Variants in TRPC5 observed in about 807,000 individuals in gnomAD.
The protein encoded by TRPC5 is short transient receptor potential channel 5.
TRPC5 carries 9 observed loss-of-function variants against 56.5 expected under a neutral mutation model. The ratio of observed to expected loss-of-function variants is 0.16; its 90% CI spans 0.10 to 0.28. The LOEUF is 0.28. Ranked by LOEUF, TRPC5 falls within the 10% of genes least tolerant of loss-of-function variation. The probability of loss-of-function intolerance (pLI) is 1.00; values close to 1 mark genes in which losing one functional copy is unlikely to be tolerated. For missense variants in TRPC5, 469 were observed against 748.9 expected, an observed-to-expected ratio of 0.63 and a Z score of 4.36; for synonymous variants, 282 against 278.5, an observed-to-expected ratio of 1.01 and a Z score of -0.13.
chrX:112,028,738 A>G (rs761941275), intron 1 of TRPC5, among the ~76,000 whole-genome samples: 102 of 112,156 alleles, frequency 9.1e-4, no homozygotes, highest in African/African-American at 3.1e-3. Context: ...ATAAACATAC[A>G]TGTGCATGTG....
chrX:112,078,371 G>C (rs923789823), intron 1 of TRPC5, among the ~76,000 whole-genome samples: 2 of 110,808 alleles, frequency 1.8e-5, no homozygotes, highest in African/African-American at 6.6e-5. Context: ...TCGATTTCTT[G>C]GGAAGATCTC....
intron 7 of TRPC5, among the ~76,000 whole-genome samples, chrX:111,824,680 C>A (rs1922134274): frequency 9.0e-6 from 1 of 111,188 alleles, no homozygotes; most frequent in African/African-American, 3.3e-5. Context: ...CACACAAACA[C>A]ACCTCATCTC....
chrX:111,847,819 C>T (rs1216593900), intron 5 of TRPC5, among the ~76,000 whole-genome samples: 2 of 111,619 alleles, frequency 1.8e-5, no homozygotes, highest in East Asian at 5.6e-4. Flanking sequence ...AAAAATCACC[C>T]TGCTTCCTAA....
chrX:111,833,152 G>A (rs1922461450), intron 7 of TRPC5, among the ~76,000 whole-genome samples: 1 of 111,280 alleles, frequency 9.0e-6, no homozygotes, highest in African/African-American at 3.3e-5. Context: ...TTGAATGAGG[G>A]GGAATGAGTG....
intron 3 of TRPC5, chrX:111,902,658 A>G (rs947257284): frequency 2.7e-5 from 3 of 113,023 alleles, no homozygotes; most frequent in Non-Finnish European, 3.7e-5. Flanking sequence ...TTGAAAGGAT[A>G]TAACTCCTTA....
At chrX:111,951,746 T>C (rs1927092156) in intron 2 of TRPC5, among the ~76,000 whole-genome samples, 1 of 111,804 alleles carries the variant, frequency 8.9e-6, no homozygotes, top group Admixed American at 9.5e-5. Context: ...AAGCAGGGTA[T>C]ACGAAAGTTA....
chrX:112,049,424 C>CATATATAT (rs749716509), intron 1 of TRPC5, among the ~76,000 whole-genome samples: 1 of 105,344 alleles, frequency 9.5e-6, no homozygotes. Flanking sequence ...TACACACACG[C>CATATATAT]ATATATATAC....
intron 2 of TRPC5, among the ~76,000 whole-genome samples, chrX:111,925,382 C>T (rs1200927319): frequency 1.8e-5 from 2 of 112,172 alleles, no homozygotes; most frequent in Admixed American, 1.9e-4. Flanking sequence ...ATTTCTGGCT[C>T]CTATAAGTAG....
chrX:112,003,269 G>A (rs1928747127), intron 1 of TRPC5, among the ~76,000 whole-genome samples: 1 of 111,737 alleles, frequency 8.9e-6, no homozygotes, highest in South Asian at 3.7e-4. Flanking sequence ...CTGAAGGCAA[G>A]GAATACAGTT....
chrX:111,852,888 T>C (rs972409719), intron 4 of TRPC5, among the ~76,000 whole-genome samples: 1 of 111,815 alleles, frequency 8.9e-6, no homozygotes, highest in Admixed American at 9.5e-5. Flanking sequence ...TTACCAGATG[T>C]TGGGGCTAAA....
chrX:111,880,087 CTT>C (rs1261333523), intron 3 of TRPC5, among the ~76,000 whole-genome samples: 1 of 103,243 alleles, frequency 9.7e-6, no homozygotes, highest in Non-Finnish European at 2.0e-5. Context: ...TTTGTTGCTG[CTT>C]TTTTTTTTTT....
At chrX:111,808,526 C>T (rs1247253297) in intron 7 of TRPC5, among the ~76,000 whole-genome samples, 1 of 110,964 alleles carries the variant, frequency 9.0e-6, no homozygotes, top group Non-Finnish European at 1.9e-5. Flanking sequence ...AGTCCTGGGA[C>T]TATCCCTTCA....
intron 1 of TRPC5, among the ~76,000 whole-genome samples, chrX:111,991,484 C>T (rs1928352407): frequency 9.1e-6 from 1 of 110,281 alleles, no homozygotes; most frequent in Non-Finnish European, 1.9e-5. Context: ...GGCAATGGTC[C>T]ATCAAGGCTC....
At chrX:112,049,767 T>G (rs1392154713) in intron 1 of TRPC5, among the ~76,000 whole-genome samples, 1 of 111,819 alleles carries the variant, frequency 8.9e-6, no homozygotes, top group Non-Finnish European at 1.9e-5. Flanking sequence ...TCCAAAGAAT[T>G]TGAGGTGCTG....
chrX:111,935,001 T>C (rs78454483), intron 2 of TRPC5, among the ~76,000 whole-genome samples: 3,328 of 111,996 alleles, frequency 0.03, 66 homozygotes, highest in Middle Eastern at 0.064. Context: ...GTGAGAATCC[T>C]GGATCATATG....
Position 111,776,244 on chromosome X carries a change from G to A in TRPC5, c.*69C>T, listed in dbSNP as rs191135250. 45 of 1,026,340 alleles carry A rather than the reference G, an allele frequency of 4.4e-5. No homozygotes were observed. The East Asian group carries it at 1.3e-3, about 29-fold the overall frequency. The allele number at this position is 1,026,340 out of a possible 1,213,427, so 84.6% of individuals were successfully genotyped here. ...AGGGGCAGTGAGGGAATCATATTCTGTGTCACCTCTGAGAGCAAGGAAATT... is the reference window on the plus strand; with the variant it reads ...AGGGGCAGTGAGGGAATCATATTCTATGTCACCTCTGAGAGCAAGGAAATT... On this transcript the variant is annotated 3_prime_UTR_variant, in exon 11 of 11. Transcript: ENST00000262839.
intron 7 of TRPC5, among the ~76,000 whole-genome samples, chrX:111,803,353 T>A (rs962098928): frequency 1.8e-5 from 2 of 112,685 alleles, no homozygotes; most frequent in Admixed American, 9.4e-5. Flanking sequence ...TGATTCATAA[T>A]CCTTTGGGTA....
intron 1 of TRPC5, among the ~76,000 whole-genome samples, chrX:111,981,016 T>C (rs1174052332): frequency 9.3e-6 from 1 of 107,937 alleles, no homozygotes; most frequent in African/African-American, 3.4e-5. Context: ...ACTATCTATG[T>C]GTATGTATGT....
At chrX:111,823,913 T>A (rs1603044550) in intron 7 of TRPC5, among the ~76,000 whole-genome samples, 1 of 110,959 alleles carries the variant, frequency 9.0e-6, no homozygotes, top group Non-Finnish European at 1.9e-5. Context: ...TCTTTGTTAC[T>A]TCAGGTCGGA....
Sources: gnomAD v4.1 joint callset for allele counts (sites outside exome capture counted in the v4.1 genomes callset) on GRCh38, gnomAD v4.1.1 for gene constraint, MANE v1.5 for transcripts, NCBI Gene and HGNC (gene_info 2026-07-23, HGNC 2026-07-21) for gene names.